Variants in GRXCR1 observed in about 807,000 individuals in gnomAD.
GRXCR1 encodes glutaredoxin and cysteine rich domain containing 1.
In GRXCR1, 27 loss-of-function variants were observed where a neutral mutation model predicts 27.3. That is an observed-to-expected ratio of 0.99 (90% confidence interval 0.73 to 1.37). GRXCR1 has a LOEUF of 1.37. Among genes scored for constraint, GRXCR1 ranks in the 40% most tolerant of loss-of-function variants. The probability of loss-of-function intolerance (pLI) is 0.00; values close to 1 mark genes in which losing one functional copy is unlikely to be tolerated. For synonymous variants in GRXCR1, 122 were observed against 131.1 expected (o/e 0.93, Z 0.47); for missense variants, 379 against 354.4 (o/e 1.07, Z -0.56).
intron 2 of GRXCR1, among the ~76,000 whole-genome samples, chr4:43,003,303 T>A (rs113342994): frequency 0.031 from 4,707 of 151,996 alleles, 78 homozygotes; most frequent in African/African-American, 0.039. Flanking sequence ...TAAAGTATAA[T>A]AATAATAAAA....
In GRXCR1 at chr4:42,916,180, A is replaced by G. The variant is rs1746882915; in HGVS notation, c.384+22530A>G. ...AGGGAAATAAGATTTGGAACTCAAG[A>G]AATACTGGATGCAACTCAGGAAAAC... On this transcript the variant is annotated intron_variant, in intron 1 of 3. Transcript: ENST00000399770. Among the ~76,000 whole-genome samples the G allele has an allele frequency of 2.0e-5, 3 of 152,160 alleles. 1 individual carries two copies. Among genetic ancestry groups the G allele is most frequent in the Admixed American group, 2.0e-4 (3 of 15,268 alleles).
chr4:42,893,493 A>G lies in GRXCR1; in HGVS notation c.227A>G (p.Asp76Gly). 1 of 1,613,888 alleles carries G rather than the reference A, an allele frequency of 6.2e-7. No homozygotes were observed. Among genetic ancestry groups the G allele is most frequent in the South Asian group, 1.1e-5 (1 of 91,086 alleles). Residue 76 changes from aspartate to glycine, a missense_variant, in exon 1 of 4, where the codon GAC becomes GGC. By Grantham distance (94) the Asp-to-Gly change is moderately conservative (BLOSUM62 -1). Coordinates refer to ENST00000399770, the MANE Select transcript of GRXCR1 (RefSeq NM_001080476.3). ...IESEGDENENDQDSLLVLARA... is the reference protein window; with the variant it reads ...IESEGDENENGQDSLLVLARA... ...TCAGAAGGTGATGAGAATGAGAATG[A>G]CCAGGATAGCTTGCTGGTGTTAGCA... is the stretch of plus-strand genomic sequence containing the variant.
chr4:42,899,456 TTC>T (rs1331699881), intron 1 of GRXCR1, among the ~76,000 whole-genome samples: 1 of 152,128 alleles, frequency 6.6e-6, no homozygotes, highest in Admixed American at 6.6e-5. Flanking sequence ...CCCCAGAAGA[TTC>T]TCTCTTTCTG....
intron 2 of GRXCR1, among the ~76,000 whole-genome samples, chr4:42,965,311 C>T (rs1748212416): frequency 6.6e-6 from 1 of 151,996 alleles, no homozygotes; most frequent in Non-Finnish European, 1.5e-5. Context: ...TGCTCTGAAC[C>T]TAGAGAGAGT....
At chr4:42,985,830 G>T (rs1292284573) in intron 2 of GRXCR1, among the ~76,000 whole-genome samples, 2 of 151,934 alleles carry the variant, frequency 1.3e-5, no homozygotes, top group Non-Finnish European at 2.9e-5. Flanking sequence ...TAACTATTTT[G>T]CTATTCGTTG....
At chr4:42,926,691 C>A (rs904555948) in intron 1 of GRXCR1, among the ~76,000 whole-genome samples, 5 of 152,032 alleles carry the variant, frequency 3.3e-5, no homozygotes, top group Non-Finnish European at 7.4e-5. Context: ...ACACCAAAAC[C>A]TGTAGCTGAC....
chr4:42,999,162 C>G (rs369896397), intron 2 of GRXCR1, among the ~76,000 whole-genome samples: 1 of 152,174 alleles, frequency 6.6e-6, no homozygotes, highest in African/African-American at 2.4e-5. Context: ...TTCTTATGAT[C>G]CTTTCTGCCT....
chr4:42,989,999 G>A (rs1711910249), intron 2 of GRXCR1, among the ~76,000 whole-genome samples: 1 of 151,642 alleles, frequency 6.6e-6, no homozygotes, highest in Non-Finnish European at 1.5e-5. Flanking sequence ...GAAGAAAGTT[G>A]CTTGAAAAAC....
chr4:42,893,385 G>T lies in GRXCR1; in HGVS notation c.119G>T (p.Gly40Val). 1 of 1,613,816 alleles carries T rather than the reference G, an allele frequency of 6.2e-7. No homozygotes were observed. Among genetic ancestry groups the T allele is most frequent in the Non-Finnish European group, 8.5e-7 (1 of 1,179,830 alleles). The change falls in exon 1 of 4, where the codon GGC (glycine) becomes GTC (valine). Residue 40 changes from glycine to valine, a missense_variant. By Grantham distance (109) the Gly-to-Val change is moderately radical (BLOSUM62 -3). Coordinates refer to ENST00000399770, the MANE Select transcript of GRXCR1 (RefSeq NM_001080476.3). ...GTGTATGAAGATGGGCAACCGTCAG[G>T]CTCTCTGGATTCTGAATGTGCCAGT... ...KEVYEDGQPS[G>V]SLDSECASIC...
chr4:42,972,706 A>G (rs1414179971), intron 2 of GRXCR1, among the ~76,000 whole-genome samples: 3 of 152,194 alleles, frequency 2.0e-5, no homozygotes, highest in Non-Finnish European at 2.9e-5. Context: ...GAAGTAACTT[A>G]AGCTTAGAGA....
intron 2 of GRXCR1, among the ~76,000 whole-genome samples, chr4:42,985,996 C>T (rs1353330146): frequency 6.6e-6 from 1 of 152,138 alleles, no homozygotes; most frequent in African/African-American, 2.4e-5. Context: ...ATGATTACAA[C>T]TGAGCAAACA....
At chr4:43,005,130 G>T (rs1384198766) in intron 2 of GRXCR1, among the ~76,000 whole-genome samples, 1 of 152,150 alleles carries the variant, frequency 6.6e-6, no homozygotes, top group African/African-American at 2.4e-5. Flanking sequence ...TGGTTTAAAT[G>T]TGTTTGGCAG....
chr4:42,898,770 G>T (rs967572962), intron 1 of GRXCR1, among the ~76,000 whole-genome samples: 3 of 151,846 alleles, frequency 2.0e-5, no homozygotes, highest in Admixed American at 2.0e-4. Context: ...TAATTTATAG[G>T]ATTTAAAATG....
intron 2 of GRXCR1, among the ~76,000 whole-genome samples, chr4:43,014,969 A>T (rs1203396971): frequency 6.6e-6 from 1 of 152,204 alleles, no homozygotes; most frequent in Non-Finnish European, 1.5e-5. Context: ...GAATTGACTG[A>T]TTTTGTCTGG....
At chr4:42,917,681 A>G (rs1746914771) in intron 1 of GRXCR1, among the ~76,000 whole-genome samples, 1 of 152,104 alleles carries the variant, frequency 6.6e-6, no homozygotes, top group Non-Finnish European at 1.5e-5. Flanking sequence ...AATAAATTTT[A>G]CTGGAAAAGA....
intron 1 of GRXCR1, among the ~76,000 whole-genome samples, chr4:42,896,082 A>G (rs1028214631): frequency 4.6e-5 from 7 of 152,150 alleles, no homozygotes; most frequent in Admixed American, 1.3e-4. Flanking sequence ...AAAACCTTAA[A>G]GCACTTAACC....
rs541248672 is a variant in GRXCR1 at position 42,965,413 on chromosome 4, G to A, written c.627+2279G>A. Among the ~76,000 whole-genome samples, 5 of 152,004 alleles carry A rather than the reference G, an allele frequency of 3.3e-5. No homozygotes were observed. The South Asian group carries it at 1.0e-3, about 32-fold the overall frequency. ...AAAATGGCAAACACTCCAAAACAAC[G>A]AATTCTCCTCCTATTAAAATAGCCT... On this transcript the variant is annotated intron_variant, in intron 2 of 3. Coordinates refer to ENST00000399770, the MANE Select transcript of GRXCR1 (RefSeq NM_001080476.3).
Position 42,957,189 on chromosome 4 carries a change from C to A in GRXCR1, c.385-5703C>A, listed in dbSNP as rs73177725. ...AACCTCAAATATCAGAAAATATTTT[C>A]TTGATCTCTAAGACAAGAAGAGAAG... On this transcript the variant is annotated intron_variant, in intron 1 of 3. Transcript: ENST00000399770. Among the ~76,000 whole-genome samples the A allele has an allele frequency of 2.9e-3, 448 of 152,140 alleles. 2 individuals are homozygous for A. Among genetic ancestry groups the A allele is most frequent in the African/African-American group, 0.01 (434 of 41,524 alleles).
intron 2 of GRXCR1, among the ~76,000 whole-genome samples, chr4:43,018,148 A>T (rs75172329): frequency 2.0e-5 from 3 of 152,126 alleles, no homozygotes; most frequent in Non-Finnish European, 2.9e-5. Flanking sequence ...GGGCAGAGAC[A>T]TGGGACCCAG....
Sources: gnomAD v4.1 joint callset for allele counts (sites outside exome capture counted in the v4.1 genomes callset) on GRCh38, gnomAD v4.1.1 for gene constraint, MANE v1.5 for transcripts, NCBI Gene and HGNC (gene_info 2026-07-23, HGNC 2026-07-21) for gene names.